The following TBC1D5 variants were observed in gnomAD, a reference collection of about 807,000 sequenced individuals.
TBC1D5 encodes TBC1 domain family member 5.
TBC1D5 carries 75 observed loss-of-function variants against 100.3 expected under a neutral mutation model. The observed-to-expected ratio is 0.75, with a 90% CI of 0.62 to 0.91. The LOEUF (loss-of-function observed/expected upper bound fraction) is 0.91, where lower values mean the gene tolerates loss of function less well. TBC1D5 is among the 40% of genes least tolerant of loss of function. The pLI, the probability that TBC1D5 is intolerant of heterozygous loss-of-function variation, is 0.00. For synonymous variants in TBC1D5, 323 were observed against 325.6 expected (o/e 0.99, Z 0.09); for missense variants, 910 against 942.4 (o/e 0.97, Z 0.45).
chr3:17,532,253 C>CA (rs1347443324), intron 2 of TBC1D5, among the ~76,000 whole-genome samples: 1 of 152,158 alleles, frequency 6.6e-6, no homozygotes, highest in Non-Finnish European at 1.5e-5. Context: ...CATCACTGGC[C>CA]ATCAGAGAAA....
At chr3:17,724,267 A>G (rs1013801847) in intron 1 of TBC1D5, among the ~76,000 whole-genome samples, 3 of 151,842 alleles carry the variant, frequency 2.0e-5, no homozygotes, top group South Asian at 4.2e-4. Flanking sequence ...TAATTTTTTT[A>G]AAGTATTTGT....
intron 3 of TBC1D5, among the ~76,000 whole-genome samples, chr3:17,462,042 T>A (rs1433795849): frequency 6.6e-6 from 1 of 152,072 alleles, no homozygotes; most frequent in African/African-American, 2.4e-5. Flanking sequence ...TCAAAAAAAA[T>A]ATGTTTTCTT....
At chr3:17,261,845 GTTT>G (rs34656348) in intron 15 of TBC1D5, among the ~76,000 whole-genome samples, 67 of 143,356 alleles carry the variant, frequency 4.7e-4, no homozygotes, top group African/African-American at 1.3e-3. Context: ...TCTTAAAGGA[GTTT>G]TTTTTTTTTT....
chr3:17,502,204 T>C (rs1006434827), intron 3 of TBC1D5, among the ~76,000 whole-genome samples: 1 of 149,888 alleles, frequency 6.7e-6, no homozygotes, highest in Non-Finnish European at 1.5e-5. Flanking sequence ...CTATTCCTCA[T>C]GTCAGTTTAG....
chr3:17,532,281 A>G (rs2096237185), intron 2 of TBC1D5, among the ~76,000 whole-genome samples: 1 of 152,206 alleles, frequency 6.6e-6, no homozygotes, highest in Non-Finnish European at 1.5e-5. Context: ...CAAAACCACA[A>G]TGAGATACCA....
chr3:17,494,829 T>C (rs1377096118), intron 3 of TBC1D5, among the ~76,000 whole-genome samples: 1 of 152,214 alleles, frequency 6.6e-6, no homozygotes, highest in Non-Finnish European at 1.5e-5. Context: ...AGCCTGCTGC[T>C]AGCTGGCTGC....
At chr3:17,591,233 CAAAAAAAAAAAA>C (rs60889092) in intron 2 of TBC1D5, among the ~76,000 whole-genome samples, 383 of 18,658 alleles carry the variant, frequency 0.021, 1 homozygote, top group Non-Finnish European at 0.035. Flanking sequence ...AAGGATCTGT[CAAAAAAAAAAAA>C]AAAAAAAAAA....
chr3:17,189,712 G>A (rs2125604883), intron 18 of TBC1D5, among the ~76,000 whole-genome samples: 1 of 152,220 alleles, frequency 6.6e-6, no homozygotes, highest in African/African-American at 2.4e-5. Context: ...CAAGTCACTT[G>A]GCCTGCTACT....
chr3:17,734,028 G>A (rs570781586), intron 1 of TBC1D5, among the ~76,000 whole-genome samples: 2 of 152,038 alleles, frequency 1.3e-5, no homozygotes, highest in Non-Finnish European at 2.9e-5. Context: ...GAAAAGTAAA[G>A]ATGGGCAGAT....
Position 17,721,853 on chromosome 3 carries a change from A to G in TBC1D5, c.-101+17490T>C, listed in dbSNP as rs186007538. On this transcript the variant is annotated intron_variant, in intron 1 of 21. Transcript: ENST00000253692. ...AAAATTAGCCAAGCGGTAGTGGCAC[A>G]TGCCTGTAATCCCAGCTACTGGGGA... Among the ~76,000 whole-genome samples, 532 of 151,958 alleles carry G rather than the reference A, an allele frequency of 3.5e-3. 4 individuals carry two copies. Among genetic ancestry groups the G allele is most frequent in the African/African-American group, 0.012 (504 of 41,442 alleles).
chr3:17,316,986 T>G (rs1575294080), intron 13 of TBC1D5, among the ~76,000 whole-genome samples: 1 of 152,140 alleles, frequency 6.6e-6, no homozygotes, highest in Non-Finnish European at 1.5e-5. Flanking sequence ...TCTTAATCAT[T>G]AATGGAAAAA....
chr3:17,523,582 G>A lies in TBC1D5; in HGVS notation c.-35-14977C>T, dbSNP rs148108285. ...CTCAAAAAAGATTGTTCTGAAGCCA[G>A]CAAAATGGACAATAAAATAGTAAAT... On this transcript the variant is annotated intron_variant, in intron 2 of 21. Transcript: ENST00000253692. Among the ~76,000 whole-genome samples the A allele has an allele frequency of 9.9e-4, 150 of 152,230 alleles. 1 individual carries two copies. Among genetic ancestry groups the A allele is most frequent in the African/African-American group, 3.5e-3 (146 of 41,546 alleles).
At position 17,646,381 on chromosome 3, in the gene TBC1D5, C is replaced by A. The variant is rs564518683; in HGVS notation, c.-100-22468G>T. On this transcript the variant is annotated intron_variant, in intron 1 of 21. Coordinates refer to ENST00000253692, the Ensembl canonical transcript of TBC1D5. ...CTCAGTTTTTGGTTCTTTGTTATGGCATCCCTAAAAAACTAAACAGCACCA... is the reference window on the plus strand; with the variant it reads ...CTCAGTTTTTGGTTCTTTGTTATGGAATCCCTAAAAAACTAAACAGCACCA... Among the ~76,000 whole-genome samples the A allele has an allele frequency of 2.0e-5, 3 of 152,160 alleles. No individual in the cohort carries two copies. The South Asian group carries it at 6.2e-4, about 32-fold the overall frequency.
At chr3:17,571,089 T>C (rs2096624427) in intron 2 of TBC1D5, among the ~76,000 whole-genome samples, 1 of 151,866 alleles carries the variant, frequency 6.6e-6, no homozygotes, top group African/African-American at 2.4e-5. Context: ...TCTTAGGCTA[T>C]AAGAGAAATT....
In TBC1D5 at chr3:17,668,995, G is replaced by A. The variant is rs188833885; in HGVS notation, c.-100-45082C>T. On this transcript the variant is annotated intron_variant, in intron 1 of 21. Transcript: ENST00000253692. ...CAATTTCACCATCATGACTGATACT[G>A]TTTGGTTCTGTGTCCCCACCCAAAT... Among the ~76,000 whole-genome samples, 8 of 152,264 alleles carry A rather than the reference G, an allele frequency of 5.3e-5. No homozygotes were observed. In the East Asian group the frequency reaches 1.5e-3, roughly 29 times the overall value.
chr3:17,515,905 G>A (rs2095980326), intron 2 of TBC1D5, among the ~76,000 whole-genome samples: 2 of 151,974 alleles, frequency 1.3e-5, no homozygotes, highest in African/African-American at 4.8e-5. Flanking sequence ...CTTGATCTTT[G>A]GAATCGTTAT....
At chr3:17,364,309 T>A (rs2091959995) in intron 13 of TBC1D5, among the ~76,000 whole-genome samples, 1 of 152,182 alleles carries the variant, frequency 6.6e-6, no homozygotes, top group African/African-American at 2.4e-5. Flanking sequence ...TTCCCATTCA[T>A]CCATCTTCTC....
At chr3:17,261,495 A>G (rs2078282693) in intron 15 of TBC1D5, among the ~76,000 whole-genome samples, 1 of 151,324 alleles carries the variant, frequency 6.6e-6, no homozygotes, top group Non-Finnish European at 1.5e-5. Flanking sequence ...GGGGGGGGAG[A>G]CAGGGTCTCA....
intron 3 of TBC1D5, among the ~76,000 whole-genome samples, chr3:17,442,292 C>T (rs1184666630): frequency 6.6e-6 from 1 of 152,148 alleles, no homozygotes; most frequent in Non-Finnish European, 1.5e-5. Context: ...ACTATGCTGC[C>T]ACAGTAGGTT....
Sources: allele counts gnomAD v4.1 joint callset (sites outside exome capture counted in the v4.1 genomes callset), GRCh38; gene constraint gnomAD v4.1.1; transcripts MANE v1.5; gene names NCBI Gene and HGNC (gene_info 2026-07-23, HGNC 2026-07-21).